Variants in CEP83 observed in about 807,000 individuals in gnomAD.
The protein encoded by CEP83 is centrosomal protein of 83 kDa.
A neutral mutation model predicts 101.9 loss-of-function variants in CEP83; 70 were observed. The observed-to-expected ratio is 0.69, with a 90% CI of 0.57 to 0.84. The LOEUF is 0.84. Among genes scored for constraint, CEP83 ranks in the 40% least tolerant of loss-of-function variants. The probability of loss-of-function intolerance (pLI) is 0.00; values close to 1 mark genes in which losing one functional copy is unlikely to be tolerated. For missense variants in CEP83, 715 were observed against 787.2 expected (o/e 0.91, Z 1.10); for synonymous variants, 264 against 267.9 (o/e 0.99, Z 0.14).
chr12:94,320,186 T>C (rs1458669750), intron 14 of CEP83, among the ~76,000 whole-genome samples: 2 of 152,218 alleles, frequency 1.3e-5, no homozygotes, highest in African/African-American at 4.8e-5. Flanking sequence ...CTGATTTCCA[T>C]TTGCTTGGCA....
chr12:94,353,949 T>C (rs1014346705), intron 11 of CEP83, among the ~76,000 whole-genome samples: 10 of 151,710 alleles, frequency 6.6e-5, no homozygotes, highest in Admixed American at 2.6e-4. Flanking sequence ...TTAGCAATAG[T>C]AAATATGTAT....
In CEP83 at chr12:94,385,175, G is replaced by A. The variant is rs1432833960; in HGVS notation, c.550-6133C>T. On this transcript the variant is annotated intron_variant, in intron 6 of 16. Coordinates refer to ENST00000397809, the MANE Select transcript of CEP83 (RefSeq NM_016122.3). ...CTCATGATACCCATAATGAACAGGG[G>A]TGGGAGTTCTGGTTCCCCATTAGGC... Among the ~76,000 whole-genome samples the A allele has an allele frequency of 3.9e-5, 6 of 152,162 alleles. No homozygotes were observed. In the East Asian group the frequency reaches 1.2e-3, roughly 29 times the overall value.
At chr12:94,294,274 C>A in the CEP83 span, among the ~76,000 whole-genome samples, 3 of 152,188 alleles carry the variant, frequency 2.0e-5, no homozygotes, top group African/African-American at 7.2e-5. Flanking sequence ...GCCTCCTCCA[C>A]AGGACCATGA....
rs541317936 is a variant in CEP83 at position 94,345,232 on chromosome 12, C to T, written c.1344-9568G>A. 4.6e-5 allele frequency among the ~76,000 whole-genome samples: 7 copies of T among 152,118 alleles called. No individual in the cohort carries two copies. The South Asian group carries it at 1.5e-3, about 32-fold the overall frequency. ...AGGCAAAGACTTCTTGAAGAGAACA[C>T]AAAAAATACAAACAAGAAAAAAATT... is the stretch of plus-strand genomic sequence containing the variant. On this transcript the variant is annotated intron_variant, in intron 11 of 16. Transcript: ENST00000397809.
chr12:94,444,320 C>A (rs910635167), intron 1 of CEP83, among the ~76,000 whole-genome samples: 1 of 152,108 alleles, frequency 6.6e-6, no homozygotes, highest in Non-Finnish European at 1.5e-5. Flanking sequence ...ATCACTTGAA[C>A]GTGGGATGCA....
intron 14 of CEP83, among the ~76,000 whole-genome samples, chr12:94,330,828 G>T (rs971170959): frequency 6.6e-6 from 1 of 152,156 alleles, no homozygotes; most frequent in Non-Finnish European, 1.5e-5. Flanking sequence ...AAAAATGCAT[G>T]TCAGCTCAAA....
chr12:94,345,526 T>C (rs773189887), intron 11 of CEP83, among the ~76,000 whole-genome samples: 2 of 152,170 alleles, frequency 1.3e-5, no homozygotes, highest in Non-Finnish European at 2.9e-5. Context: ...AATCTCTCTC[T>C]GACCTTCTGT....
the CEP83 span, chr12:94,301,149 C>T: frequency 2.6e-5 from 27 of 1,044,636 alleles, 1 homozygote; most frequent in Non-Finnish European, 3.5e-5. Flanking sequence ...AACAATTGGT[C>T]TAAACTACAC....
intron 11 of CEP83, among the ~76,000 whole-genome samples, chr12:94,362,502 G>C (rs2060819749): frequency 6.6e-6 from 1 of 152,100 alleles, no homozygotes; most frequent in Non-Finnish European, 1.5e-5. Context: ...GCCAGGCATG[G>C]TGGCACACAC....
intron 1 of CEP83, among the ~76,000 whole-genome samples, chr12:94,440,935 A>G (rs951258391): frequency 2.6e-5 from 4 of 152,228 alleles, no homozygotes; most frequent in Admixed American, 1.3e-4. Flanking sequence ...TAGAGAAACG[A>G]CAACCTATTC....
At chr12:94,279,496 A>C in the CEP83 span, 229 of 1,613,442 alleles carry the variant, frequency 1.4e-4, no homozygotes, top group Non-Finnish European at 1.9e-4. Context: ...CTTTGAAAAA[A>C]TCCCGGAAAA....
chr12:94,303,845 G>T (rs1357729366), downstream of CEP83: 1 of 1,609,302 alleles, frequency 6.2e-7, no homozygotes, highest in East Asian at 2.2e-5. Flanking sequence ...TCAGGGATTT[G>T]CCTCCATTGT....
intron 1 of CEP83, among the ~76,000 whole-genome samples, chr12:94,455,126 T>A (rs889669792): frequency 3.3e-5 from 5 of 152,206 alleles, no homozygotes; most frequent in Non-Finnish European, 7.3e-5. Flanking sequence ...AATGAACCAA[T>A]TCCGGACACA....
rs1310612786 is a variant in CEP83 at position 94,424,850 on chromosome 12, G to A, written c.-102+10425C>T. The A allele has an allele frequency of 6.2e-6, 10 of 1,601,050 alleles. No individual in the cohort carries two copies. In the African/African-American group the frequency reaches 6.7e-5, roughly 11 times the overall value. On this transcript the variant is annotated intron_variant, in intron 2 of 16. Coordinates refer to ENST00000397809, the MANE Select transcript of CEP83 (RefSeq NM_016122.3). ...ATTGCTTCCACTACTGCTGTTAGGTGTACTGTTGCTTGGGCTAGGTGGTGC... is the reference window on the plus strand; with the variant it reads ...ATTGCTTCCACTACTGCTGTTAGGTATACTGTTGCTTGGGCTAGGTGGTGC...
At chr12:94,282,067 C>G in the CEP83 span, 7 of 456,682 alleles carry the variant, frequency 1.5e-5, no homozygotes, top group Non-Finnish European at 2.4e-5. Flanking sequence ...TCTTCAGTGG[C>G]TTTACTTCCA....
At chr12:94,379,515 T>A (rs187334336) in intron 6 of CEP83, among the ~76,000 whole-genome samples, 21 of 152,198 alleles carry the variant, frequency 1.4e-4, no homozygotes, top group Admixed American at 1.3e-3. Flanking sequence ...AAAGCAAATG[T>A]GATTGATGAG....
chr12:94,266,350 A>T, the CEP83 span, among the ~76,000 whole-genome samples: 5 of 152,194 alleles, frequency 3.3e-5, no homozygotes, highest in African/African-American at 1.2e-4. Flanking sequence ...AGCTGAGCTG[A>T]AAGTCAACAC....
chr12:94,454,154 T>C (rs1177656069), intron 1 of CEP83, among the ~76,000 whole-genome samples: 1 of 152,038 alleles, frequency 6.6e-6, no homozygotes, highest in African/African-American at 2.4e-5. Context: ...CTCAGCTTTC[T>C]ATGAAGCTCT....
At position 94,308,574 on chromosome 12, in the gene CEP83, T is replaced by G. The variant is rs1278109208; in HGVS notation, c.*239A>C. 1 of 290,658 alleles carries G rather than the reference T, an allele frequency of 3.4e-6. No homozygotes were observed. Among genetic ancestry groups the G allele is most frequent in the African/African-American group, 2.2e-5 (1 of 45,496 alleles). 18.0% of individuals were successfully genotyped at this position (290,658 alleles called of 1,614,324 possible). Reference sequence around the variant, plus strand: ...CTAACTAGTTCCTTTTTGTTTTACATTCTCAAACCATTGTCAAATATTCTA... The same window carrying G: ...CTAACTAGTTCCTTTTTGTTTTACAGTCTCAAACCATTGTCAAATATTCTA... On this transcript the variant is annotated 3_prime_UTR_variant, in exon 17 of 17. Coordinates refer to ENST00000397809, the MANE Select transcript of CEP83 (RefSeq NM_016122.3).
Sources: gnomAD v4.1 joint callset for allele counts (sites outside exome capture counted in the v4.1 genomes callset) on GRCh38, gnomAD v4.1.1 for gene constraint, MANE v1.5 for transcripts, NCBI Gene and HGNC (gene_info 2026-07-23, HGNC 2026-07-21) for gene names.